Variants in SNX14 observed in about 807,000 individuals in gnomAD.
SNX14 encodes the protein sorting nexin 14, also known as sorting nexin-14.
SNX14 carries 93 observed loss-of-function variants against 133.8 expected under a neutral mutation model. The observed-to-expected ratio is 0.70, with a 90% CI of 0.59 to 0.83. SNX14 has a LOEUF of 0.83. SNX14 is among the 40% of genes least tolerant of loss of function. SNX14 has a pLI of 0.00. For synonymous variants in SNX14, 368 were observed against 365.6 expected, an observed-to-expected ratio of 1.01 and a Z score of -0.07; for missense variants, 945 against 1,094.9, an observed-to-expected ratio of 0.86 and a Z score of 1.93.
At chr6:85,590,655 C>T (rs562844476) in intron 1 of SNX14, among the ~76,000 whole-genome samples, 57 of 152,200 alleles carry the variant, frequency 3.7e-4, no homozygotes, top group African/African-American at 1.2e-3. Flanking sequence ...AGTTTTAGAT[C>T]CTTCTCCTTC....
At chr6:85,553,779 C>T (rs893525591) in intron 7 of SNX14, among the ~76,000 whole-genome samples, 2 of 124,406 alleles carry the variant, frequency 1.6e-5, no homozygotes, top group Non-Finnish European at 3.6e-5. Flanking sequence ...GAGCAAGACT[C>T]CGTCTCCAAA....
At chr6:85,571,639 C>T (rs1189689918) in intron 4 of SNX14, among the ~76,000 whole-genome samples, 1 of 152,104 alleles carries the variant, frequency 6.6e-6, no homozygotes, top group Middle Eastern at 3.2e-3. Flanking sequence ...TTTAAAACAA[C>T]TAAAACATGT....
intron 12 of SNX14, 48 bp downstream of exon 12, chr6:85,547,064 T>G: frequency 7.3e-7 from 1 of 1,360,632 alleles, no homozygotes; most frequent in African/African-American, 1.5e-5. Context: ...TTCAAATACA[T>G]TAAAAGGTTT....
At chr6:85,534,242 G>A (rs1400895905) in intron 17 of SNX14, among the ~76,000 whole-genome samples, 3 of 152,164 alleles carry the variant, frequency 2.0e-5, no homozygotes, top group Non-Finnish European at 4.4e-5. Flanking sequence ...AAGGTGGGTG[G>A]ATCACCTGAG....
intron 6 of SNX14, among the ~76,000 whole-genome samples, chr6:85,561,496 TCAAC>T (rs1365088760): frequency 6.6e-6 from 1 of 152,250 alleles, no homozygotes; most frequent in Admixed American, 6.5e-5. Context: ...TGGTTTGTCA[TCAAC>T]CAATTGATAT....
chr6:85,537,185 T>A (rs1220071867), intron 16 of SNX14, among the ~76,000 whole-genome samples: 4 of 152,152 alleles, frequency 2.6e-5, no homozygotes, highest in African/African-American at 4.8e-5. Flanking sequence ...ATTTACCTAG[T>A]ATTAACTTCA....
chr6:85,523,163 T>C (rs1023585139), intron 21 of SNX14, among the ~76,000 whole-genome samples: 6 of 152,310 alleles, frequency 3.9e-5, no homozygotes, highest in East Asian at 1.9e-4. Flanking sequence ...GTAAGTTATA[T>C]TGGTATCAAA....
At position 85,521,800 on chromosome 6, in the gene SNX14, C is replaced by A. The variant is rs560077235; in HGVS notation, c.2108-3752G>T. The stretch of plus-strand genomic sequence containing the variant: ...TTGCCTATGCTTTTGAAGTCTTAGC[C>A]ATAAGATCTTTGCCTAGACTAAAGT... On this transcript the variant is annotated intron_variant, in intron 21 of 28. Coordinates refer to ENST00000314673, the MANE Select transcript of SNX14 (RefSeq NM_153816.6). 1.2e-3 allele frequency among the ~76,000 whole-genome samples: 177 copies of A among 152,304 alleles called. 1 individual carries two copies. Among genetic ancestry groups the A allele is most frequent in the African/African-American group, 3.9e-3 (163 of 41,562 alleles).
intron 19 of SNX14, among the ~76,000 whole-genome samples, chr6:85,529,562 T>G (rs1036816291): frequency 2.0e-5 from 3 of 152,158 alleles, no homozygotes; most frequent in African/African-American, 4.8e-5. Flanking sequence ...CTGCACCAGA[T>G]TGGTAGAGAG....
chr6:85,552,759 G>C (rs965537385), intron 7 of SNX14, among the ~76,000 whole-genome samples: 2 of 152,148 alleles, frequency 1.3e-5, no homozygotes, highest in Non-Finnish European at 2.9e-5. Flanking sequence ...GAGGAATTGA[G>C]GACTGAACTC....
intron 21 of SNX14, among the ~76,000 whole-genome samples, chr6:85,520,015 C>CAGTAGTAGTAGT (rs548244244): frequency 1.1e-4 from 16 of 150,610 alleles, no homozygotes; most frequent in African/African-American, 3.9e-4. Flanking sequence ...TGCTTTTATA[C>CAGTAGTAGTAGT]AGTAGTAGTA....
chr6:85,544,728 C>T (rs1784929988), intron 12 of SNX14, among the ~76,000 whole-genome samples: 1 of 152,140 alleles, frequency 6.6e-6, no homozygotes, highest in East Asian at 1.9e-4. Context: ...GAAGTTGAGG[C>T]TGTATTTCGT....
At chr6:85,585,450 T>C (rs538423990) in intron 1 of SNX14, among the ~76,000 whole-genome samples, 1 of 144,826 alleles carries the variant, frequency 6.9e-6, no homozygotes, top group Non-Finnish European at 1.5e-5. Context: ...ATTCAGAAAC[T>C]TGGGGGGAAA....
chr6:85,591,525 A>G (rs1802750059), intron 1 of SNX14, among the ~76,000 whole-genome samples: 1 of 152,220 alleles, frequency 6.6e-6, no homozygotes, highest in Admixed American at 6.5e-5. Flanking sequence ...AATACAGGGT[A>G]CAGGTTAGAT....
intron 1 of SNX14, among the ~76,000 whole-genome samples, chr6:85,575,407 G>A (rs1336301603): frequency 1.3e-5 from 2 of 152,116 alleles, no homozygotes; most frequent in Non-Finnish European, 2.9e-5. Flanking sequence ...ATCATGATCA[G>A]GGACCAATCA....
chr6:85,547,380 T>C lies in SNX14; in HGVS notation c.930A>G (p.Glu310=), dbSNP rs1786015898. 2.5e-6 allele frequency: 4 copies of C among 1,613,500 alleles called. No individual in the cohort carries two copies. The highest frequency in any genetic ancestry group is 3.4e-6 in the Non-Finnish European group (4 of 1,179,922). ...IDDSPPEKAT[E]PASPLVPFLQ... ...AGAATGGAACCAAAGGAGAAGCCGG[T>C]TCAGTTGCTTTTTCAGGCTTTGAAA... is the stretch of plus-strand genomic sequence containing the variant. Residue 310 remains glutamate, a synonymous_variant, in exon 11 of 29, where the codon GAA becomes GAG. Transcript: ENST00000314673.
chr6:85,508,079 G>A lies in SNX14; in HGVS notation c.2654-20C>T. 2 of 1,607,394 alleles carry A rather than the reference G, an allele frequency of 1.2e-6. No homozygotes were observed. The highest frequency in any genetic ancestry group is 1.7e-6 in the Non-Finnish European group (2 of 1,176,680). ...ACAGATCTAAACAAAAAGGCCAAAT[G>A]TGAAATAATTTTATATTATAAAGTG... On this transcript the variant is annotated intron_variant, in intron 26 of 28. Transcript: ENST00000314673.
intron 7 of SNX14, among the ~76,000 whole-genome samples, chr6:85,556,403 G>C (rs910103498): frequency 4.7e-5 from 7 of 148,600 alleles, no homozygotes; most frequent in African/African-American, 1.5e-4. Context: ...ATCTCTGAAA[G>C]AAAAAAAATT....
At chr6:85,508,306 G>T in intron 26 of SNX14, 5 of 1,043,226 alleles carry the variant, frequency 4.8e-6, no homozygotes, top group Non-Finnish European at 5.8e-6. Context: ...TGCAAACTCT[G>T]AGAAATGCTG....
Sources: allele counts gnomAD v4.1 joint callset (sites outside exome capture counted in the v4.1 genomes callset), GRCh38; gene constraint gnomAD v4.1.1; transcripts MANE v1.5; gene names NCBI Gene and HGNC (gene_info 2026-07-23, HGNC 2026-07-21).